NMNAT3: variants seen among roughly 807,000 people sequenced by gnomAD.
The protein encoded by NMNAT3 is nicotinamide nucleotide adenylyltransferase 3, also known as nicotinamide/nicotinic acid mononucleotide adenylyltransferase 3.
Under a neutral mutation model 24.8 loss-of-function variants are expected in NMNAT3, and 21 were observed. The ratio of observed to expected loss-of-function variants is 0.85; its 90% CI spans 0.60 to 1.22. NMNAT3 has a LOEUF of 1.22. Among genes scored for constraint, NMNAT3 ranks in the 50% most tolerant of loss-of-function variants. The probability of loss-of-function intolerance (pLI) is 0.00; values close to 1 mark genes in which losing one functional copy is unlikely to be tolerated. For synonymous variants in NMNAT3, 136 were observed against 155.2 expected, an observed-to-expected ratio of 0.88 and a Z score of 0.92; for missense variants, 387 against 436.6, an observed-to-expected ratio of 0.89 and a Z score of 1.01.
At chr3:139,631,088 A>C (rs2108321457) in intron 2 of NMNAT3, among the ~76,000 whole-genome samples, 1 of 152,310 alleles carries the variant, frequency 6.6e-6, no homozygotes, top group South Asian at 2.1e-4. Context: ...GATGCTGAGA[A>C]GGAGAATAAA....
chr3:139,650,991 T>C (rs1476746419), intron 1 of NMNAT3, among the ~76,000 whole-genome samples: 1 of 152,122 alleles, frequency 6.6e-6, no homozygotes, highest in Non-Finnish European at 1.5e-5. Flanking sequence ...ATTTATAAAA[T>C]AAAAAATATA....
chr3:139,641,023 G>A (rs973994894), intron 1 of NMNAT3, among the ~76,000 whole-genome samples: 2 of 152,198 alleles, frequency 1.3e-5, no homozygotes, highest in East Asian at 1.9e-4. Context: ...CAGTTCATAA[G>A]TAACAACTGT....
At chr3:139,631,081 G>A (rs1311920758) in intron 2 of NMNAT3, among the ~76,000 whole-genome samples, 1 of 152,172 alleles carries the variant, frequency 6.6e-6, no homozygotes, top group African/African-American at 2.4e-5. Flanking sequence ...GAAGTGTGAT[G>A]CTGAGAAGGA....
chr3:139,629,440 G>C (rs2056197936), intron 2 of NMNAT3, among the ~76,000 whole-genome samples: 1 of 152,176 alleles, frequency 6.6e-6, no homozygotes, highest in African/African-American at 2.4e-5. Context: ...CAGAAACTGT[G>C]AGATAATAAA....
chr3:139,636,474 G>T (rs778387706), intron 2 of NMNAT3: 1 of 152,216 alleles, frequency 6.6e-6, no homozygotes, highest in Non-Finnish European at 1.5e-5. Flanking sequence ...GCTGTCCTAT[G>T]TACTTCTCCC....
intron 1 of NMNAT3, among the ~76,000 whole-genome samples, chr3:139,658,296 G>T (rs977656457): frequency 1.3e-5 from 2 of 152,182 alleles, no homozygotes; most frequent in African/African-American, 4.8e-5. Context: ...GTGGGGCCCA[G>T]CACTGAAGAG....
intron 3 of NMNAT3, among the ~76,000 whole-genome samples, chr3:139,614,627 C>T (rs1403942941): frequency 2.0e-5 from 3 of 152,256 alleles, no homozygotes; most frequent in African/African-American, 7.2e-5. Context: ...ACAGGGTACG[C>T]CCTTCTGGCA....
At chr3:139,576,272 T>C (rs1939297976) in intron 5 of NMNAT3, 1 of 978,096 alleles carries the variant, frequency 1.0e-6, no homozygotes, top group Non-Finnish European at 1.2e-6. Context: ...TTTCGGAAAG[T>C]GTTAGTAATC....
At chr3:139,589,251 G>A (rs2054068091) in intron 3 of NMNAT3, among the ~76,000 whole-genome samples, 1 of 152,126 alleles carries the variant, frequency 6.6e-6, no homozygotes, top group African/African-American at 2.4e-5. Context: ...AAGAGAACAG[G>A]AAAACAGAAG....
At chr3:139,588,223 C>T (rs111641030) in intron 3 of NMNAT3, among the ~76,000 whole-genome samples, 1 of 152,114 alleles carries the variant, frequency 6.6e-6, no homozygotes, top group African/African-American at 2.4e-5. Flanking sequence ...CATTACAGCA[C>T]CTGTATGAAA....
intron 3 of NMNAT3, among the ~76,000 whole-genome samples, chr3:139,601,636 G>A (rs1257463109): frequency 6.6e-6 from 1 of 152,170 alleles, no homozygotes; most frequent in African/African-American, 2.4e-5. Context: ...TCAAGCCAGA[G>A]AGTGTACCAG....
intron 3 of NMNAT3, among the ~76,000 whole-genome samples, chr3:139,614,310 C>A (rs2055378591): frequency 6.6e-6 from 1 of 152,006 alleles, no homozygotes. Context: ...GCATTTCAGA[C>A]TCCACGATCA....
At chr3:139,657,923 A>G (rs1331138806) in intron 1 of NMNAT3, among the ~76,000 whole-genome samples, 1 of 151,866 alleles carries the variant, frequency 6.6e-6, no homozygotes, top group Non-Finnish European at 1.5e-5. Context: ...GGGGCTCCCT[A>G]AAGAGCTCCC....
intron 1 of NMNAT3, among the ~76,000 whole-genome samples, chr3:139,662,564 G>A (rs1396283848): frequency 6.6e-6 from 1 of 152,178 alleles, no homozygotes; most frequent in African/African-American, 2.4e-5. Context: ...TCAAAGAGAG[G>A]CCCACATCCT....
chr3:139,567,375 G>T (rs1937404167), intron 6 of NMNAT3: 1 of 152,132 alleles, frequency 6.6e-6, no homozygotes, highest in African/African-American at 2.4e-5. Flanking sequence ...TGATTGCCCT[G>T]ACCAGAACTT....
At position 139,606,392 on chromosome 3, in the gene NMNAT3, G is replaced by T. The variant is rs1329389918; in HGVS notation, c.109+21224C>A. Among the ~76,000 whole-genome samples the T allele has an allele frequency of 3.3e-5, 5 of 152,286 alleles. No individual in the cohort carries two copies. In the East Asian group the frequency reaches 9.6e-4, roughly 29 times the overall value. ...TAGGCAAGAATACCTCAGAACTGAT[G>T]CTGTGCTCTTCTCAATACATCCTAC... On this transcript the variant is annotated intron_variant, in intron 3 of 6. Transcript: ENST00000643695.
chr3:139,621,871 A>G (rs960112813), intron 3 of NMNAT3, among the ~76,000 whole-genome samples: 6 of 152,212 alleles, frequency 3.9e-5, no homozygotes, highest in African/African-American at 1.2e-4. Context: ...ACTTAAGATA[A>G]TGATCTCCAG....
intron 3 of NMNAT3, among the ~76,000 whole-genome samples, chr3:139,605,980 C>T (rs1452113437): frequency 1.3e-5 from 2 of 151,080 alleles, no homozygotes; most frequent in East Asian, 3.9e-4. Flanking sequence ...AAATTGTCTT[C>T]CTTTGTAATT....
rs556554493 is a variant in NMNAT3, at chr3:139,658,127, C to T, written c.-141+19578G>A. On this transcript the variant is annotated intron_variant, in intron 1 of 6. Transcript: ENST00000643695. ...TTGAAGGAGCTCGGGAAGCACCCCT[C>T]TCTGTGGTAAGGCTCAGGTAGTATT... is the stretch of plus-strand genomic sequence containing the variant. 8.8e-4 allele frequency among the ~76,000 whole-genome samples: 134 copies of T among 152,196 alleles called. 2 individuals are homozygous for T. The highest frequency in any genetic ancestry group is 3.1e-3 in the African/African-American group (128 of 41,516).
Sources: allele counts gnomAD v4.1 joint callset (sites outside exome capture counted in the v4.1 genomes callset), GRCh38; gene constraint gnomAD v4.1.1; transcripts MANE v1.5; gene names NCBI Gene and HGNC (gene_info 2026-07-23, HGNC 2026-07-21).